BRF1: variants seen among roughly 807,000 people sequenced by gnomAD.
BRF1 encodes transcription factor IIIB 90 kDa subunit.
BRF1 carries 59 observed loss-of-function variants against 81.7 expected under a neutral mutation model. That is an observed-to-expected ratio of 0.72 (90% CI 0.59 to 0.90). The LOEUF (loss-of-function observed/expected upper bound fraction) is 0.90, where lower values mean the gene tolerates loss of function less well. Among genes scored for constraint, BRF1 ranks in the 40% least tolerant of loss-of-function variants. The pLI is 0.00. For synonymous variants in BRF1, 491 were observed against 395.6 expected (o/e 1.24, Z -2.86); for missense variants, 1,050 against 936.3 (o/e 1.12, Z -1.58).
rs1038404904 is a variant in BRF1 at position 105,284,881 on chromosome 14, CTA to C, written c.265+1413_265+1414del. On this transcript the variant is annotated intron_variant, in intron 2 of 17. Transcript: ENST00000547530. The surrounding 1 kb of genome is among the most constrained non-coding windows in gnomAD (Gnocchi z 4.0). ...AAATCCTAAGTGATCCGCTAAAAAA[CTA>C]TTCAGCATAAAAAATGAGTTCAGCC... Among the ~76,000 whole-genome samples, 1 of 152,190 alleles carries C rather than the reference CTA, an allele frequency of 6.6e-6. No individual in the cohort carries two copies. Among genetic ancestry groups the C allele is most frequent in the Non-Finnish European group, 1.5e-5 (1 of 68,036 alleles).
At chr14:105,250,808 T>C in intron 5 of BRF1, 1 of 954,354 alleles carries the variant, frequency 1.0e-6, no homozygotes, top group South Asian at 1.7e-5. Context: ...CTTGACTGTG[T>C]AGAGACATTT....
At chr14:105,259,916 A>G (rs1366151240) in intron 3 of BRF1, among the ~76,000 whole-genome samples, 1 of 152,196 alleles carries the variant, frequency 6.6e-6, no homozygotes, top group Non-Finnish European at 1.5e-5. Flanking sequence ...GTCACCAAAA[A>G]AAAAAGCATG....
At chr14:105,215,703 C>CGCACAG (rs1891060036) in intron 15 of BRF1, among the ~76,000 whole-genome samples, 1 of 132,994 alleles carries the variant, frequency 7.5e-6, no homozygotes, top group Admixed American at 7.4e-5. Context: ...ATACTGCATG[C>CGCACAG]ACACAGGCAC....
Position 105,284,284 on chromosome 14 carries a change from T to C in BRF1, c.265+2012A>G, listed in dbSNP as rs1388234548. Among the ~76,000 whole-genome samples, 2 of 152,046 alleles carry C rather than the reference T, an allele frequency of 1.3e-5. No individual in the cohort carries two copies. The highest frequency in any genetic ancestry group is 4.8e-5 in the African/African-American group (2 of 41,410). On this transcript the variant is annotated intron_variant, in intron 2 of 17. Coordinates refer to ENST00000547530, the MANE Select transcript of BRF1 (RefSeq NM_001519.4). This position sits in a 1 kb window ranked among gnomAD's most constrained non-coding sequence, Gnocchi z 4.0. ...GGCAGTCAGGAAGAAAGGCGCTGAC[T>C]ATACTCCTCTACTAGTAAGTCCACA... is the stretch of plus-strand genomic sequence containing the variant.
chr14:105,315,017 C>T lies in BRF1; in HGVS notation c.-162+305G>A. On this transcript the variant is annotated intron_variant, in intron 1 of 17. Coordinates refer to the BRF1 transcript ENST00000327359. The surrounding 1 kb of genome is among the most constrained non-coding windows in gnomAD (Gnocchi z 4.4). The stretch of plus-strand genomic sequence containing the variant: ...TCGCCACCTGGGAGGTGGACGGCTC[C>T]AGCCCCAGCTGCGTGCCCAGGTACG... 1 of 1,238,366 alleles carries T rather than the reference C, an allele frequency of 8.1e-7. No homozygotes were observed. 76.7% of individuals were successfully genotyped at this position (1,238,366 alleles called of 1,614,324 possible).
chr14:105,219,925 G>A, intron 12 of BRF1, 144 bp downstream of exon 12: 1 of 851,504 alleles, frequency 1.2e-6, no homozygotes, highest in South Asian at 1.6e-5. Flanking sequence ...GGGAACAGTG[G>A]CCAGAAGGCC....
At chr14:105,272,588 A>G (rs902358511) in intron 3 of BRF1, 133 bp downstream of exon 3, 11 of 1,176,124 alleles carry the variant, frequency 9.4e-6, no homozygotes, top group East Asian at 2.6e-5. Flanking sequence ...CAACTGAAAC[A>G]GTTCTTCCAG....
rs1447752914 is a variant in BRF1 at position 105,210,775 on chromosome 14, G to T, written c.1997-187C>A. On this transcript the variant is annotated intron_variant, in intron 17 of 17. Coordinates refer to ENST00000547530, the MANE Select transcript of BRF1 (RefSeq NM_001519.4). The surrounding 1 kb of genome is among the most constrained non-coding windows in gnomAD (Gnocchi z 4.7). Reference sequence around the variant, plus strand: ...CTCCCGGGACTGGCATGCACCCAGAGCAGGGCCTTGCTCCTCGTCGAGGGC... The same window carrying T: ...CTCCCGGGACTGGCATGCACCCAGATCAGGGCCTTGCTCCTCGTCGAGGGC... 6.6e-6 allele frequency among the ~76,000 whole-genome samples: 1 copy of T among 151,992 alleles called. No individual in the cohort carries two copies. The highest frequency in any genetic ancestry group is 1.5e-5 in the Non-Finnish European group (1 of 67,994).
At position 105,272,463 on chromosome 14, in the gene BRF1, G is replaced by C. The variant is rs587690635; in HGVS notation, c.439+258C>G. 1.7e-3 allele frequency among the ~76,000 whole-genome samples: 252 copies of C among 152,352 alleles called. 1 individual carries two copies. Among genetic ancestry groups the C allele is most frequent in the African/African-American group, 5.8e-3 (240 of 41,572 alleles). On this transcript the variant is annotated intron_variant, in intron 3 of 17. Coordinates refer to ENST00000547530, the MANE Select transcript of BRF1 (RefSeq NM_001519.4). Reference sequence around the variant, plus strand: ...GGAGAATCCAGGGCATGATTCTCAGGCACCGACAGAACCCTCGCTCTGCAT... The same window carrying C: ...GGAGAATCCAGGGCATGATTCTCAGCCACCGACAGAACCCTCGCTCTGCAT...
chr14:105,297,144 C>T lies in BRF1; in HGVS notation c.184+3302G>A, dbSNP rs150137357. ...CTGCACTCCAGCCTGAGTGACAGAGCGAGACTCCATCTCAAAAAAAAAGTC... is the reference window on the plus strand; with the variant it reads ...CTGCACTCCAGCCTGAGTGACAGAGTGAGACTCCATCTCAAAAAAAAAGTC... On this transcript the variant is annotated intron_variant, in intron 1 of 17. Transcript: ENST00000547530. Among the ~76,000 whole-genome samples, 505 of 152,032 alleles carry T rather than the reference C, an allele frequency of 3.3e-3. 3 individuals are homozygous for T. The highest frequency in any genetic ancestry group is 0.015 in the East Asian group (76 of 5,186).
intron 2 of BRF1, among the ~76,000 whole-genome samples, chr14:105,285,598 T>G (rs1458775396): frequency 6.6e-6 from 1 of 152,206 alleles, no homozygotes; most frequent in Non-Finnish European, 1.5e-5. Context: ...TGGACTGGAT[T>G]AGGCAACATT....
At chr14:105,214,955 T>C (rs1362951096) in intron 15 of BRF1, among the ~76,000 whole-genome samples, 2 of 152,146 alleles carry the variant, frequency 1.3e-5, no homozygotes, top group African/African-American at 2.4e-5. Flanking sequence ...TGTCCCCAGG[T>C]AGACCCCCTC....
chr14:105,251,220 A>C (rs587691801), intron 5 of BRF1: 6 of 157,120 alleles, frequency 3.8e-5, no homozygotes, highest in Non-Finnish European at 8.5e-5. Flanking sequence ...GGTTAGGAGC[A>C]AACTGCGCCC....
rs748215152 is a variant in BRF1, at chr14:105,249,699, C to T, written c.544+2808G>A. On this transcript the variant is annotated intron_variant, in intron 5 of 17. Coordinates refer to ENST00000547530, the MANE Select transcript of BRF1 (RefSeq NM_001519.4). ...GACACGGTGCTGGCCACTCTGTACG[C>T]TGCTAAGAAGTACATCGTCCCAGCA... The T allele has an allele frequency of 2.5e-5, 40 of 1,613,640 alleles. No homozygotes were observed. The South Asian group carries it at 4.0e-4, about 16-fold the overall frequency.
chr14:105,212,394 A>G, intron 15 of BRF1: 1 of 536,144 alleles, frequency 1.9e-6, no homozygotes. Context: ...CGACACAAAC[A>G]CAGAAGCTGC....
intron 1 of BRF1, among the ~76,000 whole-genome samples, chr14:105,297,872 T>C (rs1483900866): frequency 6.6e-6 from 1 of 152,132 alleles, no homozygotes; most frequent in Non-Finnish European, 1.5e-5. Context: ...GGCGGTCGCC[T>C]GTAGTCCCAG....
At chr14:105,288,334 C>T (rs587632895) in intron 1 of BRF1, among the ~76,000 whole-genome samples, 185 of 152,040 alleles carry the variant, frequency 1.2e-3, no homozygotes, top group East Asian at 8.2e-3. Flanking sequence ...TGCCTGTGAT[C>T]CCAGCTACTC....
intron 3 of BRF1, among the ~76,000 whole-genome samples, chr14:105,262,614 C>A (rs1031292695): frequency 1.3e-5 from 2 of 152,224 alleles, no homozygotes; most frequent in Admixed American, 1.3e-4. Context: ...AAGATCCCTG[C>A]TCTGAAGACT....
At chr14:105,259,647 C>T (rs1232166477) in intron 3 of BRF1, among the ~76,000 whole-genome samples, 1 of 152,178 alleles carries the variant, frequency 6.6e-6, no homozygotes, top group Non-Finnish European at 1.5e-5. Context: ...ACGGGGCTCA[C>T]GCCTGTAATC....
Sources: allele counts gnomAD v4.1 joint callset (sites outside exome capture counted in the v4.1 genomes callset), GRCh38; gene constraint gnomAD v4.1.1; non-coding constraint Gnocchi (gnomAD v3.1); transcripts MANE v1.5; gene names NCBI Gene and HGNC (gene_info 2026-07-23, HGNC 2026-07-21).